The following SIMC1 variants were observed in gnomAD, a reference collection of about 807,000 sequenced individuals.
SIMC1 encodes SUMO-interacting motif-containing protein 1.
Under a neutral mutation model 82.3 loss-of-function variants are expected in SIMC1, and 55 were observed. That is an observed-to-expected ratio of 0.67 (90% CI 0.54 to 0.84). The LOEUF (loss-of-function observed/expected upper bound fraction) is 0.84. Among genes scored for constraint, SIMC1 ranks in the 40% least tolerant of loss-of-function variants. The probability of loss-of-function intolerance (pLI) is 0.00; values close to 1 mark genes in which losing one functional copy is unlikely to be tolerated. For missense variants in SIMC1, 915 were observed against 1,107.2 expected (o/e 0.83, Z 2.46); for synonymous variants, 353 against 426.3 (o/e 0.83, Z 2.12).
intron 1 of SIMC1, among the ~76,000 whole-genome samples, chr5:176,277,826 G>C (rs1308822322): frequency 2.0e-5 from 3 of 151,770 alleles, no homozygotes; most frequent in Non-Finnish European, 2.9e-5. Flanking sequence ...TTTGGTACCA[G>C]TACCATGCTG....
chr5:176,262,527 G>A (rs191134582), intron 1 of SIMC1, among the ~76,000 whole-genome samples: 100 of 152,300 alleles, frequency 6.6e-4, no homozygotes, highest in Admixed American at 1.2e-3. Flanking sequence ...ATACAGGGCC[G>A]GGCATGGTAG....
At chr5:176,288,427 A>AATGAATGAATG (rs1561696071) in intron 1 of SIMC1, among the ~76,000 whole-genome samples, 2 of 101,524 alleles carry the variant, frequency 2.0e-5, no homozygotes, top group African/African-American at 6.4e-5. Flanking sequence ...ATGAATGAAT[A>AATGAATGAATG]AATAAATAAA....
At chr5:176,321,580 AT>A (rs915867456) in intron 5 of SIMC1, among the ~76,000 whole-genome samples, 1 of 152,052 alleles carries the variant, frequency 6.6e-6, no homozygotes, top group African/African-American at 2.4e-5. Context: ...TAAATCTACT[AT>A]TTTTACCTAG....
chr5:176,256,814 C>T (rs1217650488), intron 1 of SIMC1, among the ~76,000 whole-genome samples: 1 of 152,106 alleles, frequency 6.6e-6, no homozygotes, highest in Non-Finnish European at 1.5e-5. Flanking sequence ...AGAATCATAG[C>T]TCATTGTAGC....
At chr5:176,256,374 A>G (rs1706804569) in intron 1 of SIMC1, among the ~76,000 whole-genome samples, 1 of 152,160 alleles carries the variant, frequency 6.6e-6, no homozygotes, top group East Asian at 1.9e-4. Context: ...GTTTCTTCTA[A>G]TTATAGCCAA....
At position 176,324,601 on chromosome 5, in the gene SIMC1, T is replaced by A. The variant is rs748595424; in HGVS notation, c.2043-28T>A. 2.1e-5 allele frequency: 34 copies of A among 1,606,084 alleles called. No individual in the cohort carries two copies. The South Asian group carries it at 3.8e-4, about 18-fold the overall frequency. ...GTGGCTCCTTGCCAGACCCTCACAC[T>A]CATCTGTGTCCTATGTTCTGGACTC... On this transcript the variant is annotated intron_variant, in intron 6 of 9. Transcript: ENST00000429602.
At chr5:176,263,134 CAAAG>C (rs139556559) in intron 1 of SIMC1, among the ~76,000 whole-genome samples, 3,201 of 152,222 alleles carry the variant, frequency 0.021, 48 homozygotes, top group Middle Eastern at 0.068. Context: ...TGACAGGTGT[CAAAG>C]AACTACATAA....
intron 5 of SIMC1, among the ~76,000 whole-genome samples, chr5:176,319,781 C>T (rs1051602881): frequency 8.5e-5 from 13 of 152,208 alleles, no homozygotes; most frequent in Admixed American, 2.6e-4. Flanking sequence ...TTCTCTTCTA[C>T]ATAATGTCTG....
At chr5:176,296,990 A>G (rs1044687881) in intron 4 of SIMC1, among the ~76,000 whole-genome samples, 81 of 152,206 alleles carry the variant, frequency 5.3e-4, no homozygotes, top group African/African-American at 1.8e-3. Flanking sequence ...TAAAGAGGCT[A>G]CAGCCAAGGA....
chr5:176,300,064 C>T (rs1763977731), intron 4 of SIMC1, among the ~76,000 whole-genome samples: 1 of 151,998 alleles, frequency 6.6e-6, no homozygotes, highest in Non-Finnish European at 1.5e-5. Flanking sequence ...TAAAATACTC[C>T]GGGACAAATT....
At chr5:176,310,909 T>C (rs1374638627) in intron 4 of SIMC1, among the ~76,000 whole-genome samples, 1 of 152,136 alleles carries the variant, frequency 6.6e-6, no homozygotes, top group Non-Finnish European at 1.5e-5. Context: ...AGCAATGAGC[T>C]ATTGATGCAT....
At chr5:176,280,756 G>A (rs1354591297) in intron 1 of SIMC1, among the ~76,000 whole-genome samples, 1 of 152,086 alleles carries the variant, frequency 6.6e-6, no homozygotes, top group East Asian at 1.9e-4. Context: ...TTGAATACTG[G>A]CCCCCAGTCT....
chr5:176,343,828 C>G (rs748570758), intron 9 of SIMC1, among the ~76,000 whole-genome samples: 1 of 152,014 alleles, frequency 6.6e-6, no homozygotes, highest in African/African-American at 2.4e-5. Flanking sequence ...GAGTCTAGCT[C>G]TGTCGTCCAG....
At position 176,242,137 on chromosome 5, in the gene SIMC1, C is replaced by A. The variant is rs933973260; in HGVS notation, c.129+3500C>A. On this transcript the variant is annotated intron_variant, in intron 1 of 9. Coordinates refer to ENST00000429602, the MANE Select transcript of SIMC1 (RefSeq NM_001308195.2). ...GCAGAAATTGATTAGTGTCACGTGG[C>A]GTTTTAAGTGGATCCTCACAACACT... Among the ~76,000 whole-genome samples the A allele has an allele frequency of 1.3e-4, 20 of 152,068 alleles. 1 individual carries two copies. The highest frequency in any genetic ancestry group is 4.8e-4 in the African/African-American group (20 of 41,320).
intron 2 of SIMC1, among the ~76,000 whole-genome samples, chr5:176,292,596 A>C (rs1171450177): frequency 6.6e-6 from 1 of 151,960 alleles, no homozygotes; most frequent in Non-Finnish European, 1.5e-5. Context: ...GCTGGAGTAC[A>C]GTGGTACGAT....
intron 1 of SIMC1, among the ~76,000 whole-genome samples, chr5:176,289,250 C>T (rs1763436655): frequency 6.6e-6 from 1 of 152,172 alleles, no homozygotes; most frequent in African/African-American, 2.4e-5. Context: ...TGTGAAAATA[C>T]TCAACATGTT....
At chr5:176,343,679 G>C (rs1366121500) in intron 9 of SIMC1, among the ~76,000 whole-genome samples, 1 of 152,110 alleles carries the variant, frequency 6.6e-6, no homozygotes, top group Non-Finnish European at 1.5e-5. Flanking sequence ...TAATTGTATT[G>C]CTTAAGTACT....
chr5:176,240,156 A>G lies in SIMC1; in HGVS notation c.129+1519A>G, dbSNP rs1319680798. On this transcript the variant is annotated intron_variant, in intron 1 of 9. Transcript: ENST00000429602. ...AATGGAGATATTTGGCAATCATGCAAACAGAAAGGAGTATTGAAGGCCTAA... is the reference window on the plus strand; with the variant it reads ...AATGGAGATATTTGGCAATCATGCAGACAGAAAGGAGTATTGAAGGCCTAA... 1.2e-4 allele frequency among the ~76,000 whole-genome samples: 11 copies of G among 89,904 alleles called. 3 individuals carry two copies. Among genetic ancestry groups the G allele is most frequent in the Non-Finnish European group, 2.7e-4 (11 of 40,868 alleles). The allele number at this position is 89,904 out of a possible 152,430, so 59.0% of individuals were successfully genotyped here.
chr5:176,330,138 C>T (rs1005340455), intron 7 of SIMC1, among the ~76,000 whole-genome samples: 10 of 152,008 alleles, frequency 6.6e-5, no homozygotes, highest in Non-Finnish European at 1.3e-4. Flanking sequence ...TGGTGGCTCA[C>T]GCCTGTAATC....
Sources: allele counts gnomAD v4.1 joint callset (sites outside exome capture counted in the v4.1 genomes callset), GRCh38; gene constraint gnomAD v4.1.1; transcripts MANE v1.5; gene names NCBI Gene and HGNC (gene_info 2026-07-23, HGNC 2026-07-21).